Variants in PP2D1 observed in about 807,000 individuals in gnomAD.
PP2D1 encodes protein phosphatase 2C like domain containing 1.
A neutral mutation model predicts 30.2 loss-of-function variants in PP2D1; 25 were observed. The ratio of observed to expected loss-of-function variants is 0.83; its 90% CI spans 0.60 to 1.16. The LOEUF (loss-of-function observed/expected upper bound fraction) is 1.16, where lower values mean the gene tolerates loss of function less well. Ranked by LOEUF, PP2D1 falls within the 50% of genes most tolerant of loss-of-function variation. The probability of loss-of-function intolerance (pLI) is 0.00; values close to 1 mark genes in which losing one functional copy is unlikely to be tolerated. For missense variants in PP2D1, 760 were observed against 742.4 expected (o/e 1.02, Z -0.28); for synonymous variants, 260 against 258.9 (o/e 1.00, Z -0.04).
chr3:19,987,317 G>A (rs988828147), intron 2 of PP2D1, among the ~76,000 whole-genome samples: 1 of 152,056 alleles, frequency 6.6e-6, no homozygotes, highest in South Asian at 2.1e-4. Flanking sequence ...AGGAAAAATT[G>A]ATTTTCCCCA....
rs959775042 is a variant in PP2D1, at chr3:20,012,261, G to T, written c.-189C>A. On this transcript the variant is annotated 5_prime_UTR_variant, in exon 1 of 3. Coordinates refer to ENST00000389050, the MANE Select transcript of PP2D1 (RefSeq NM_001252657.2). ...ACTTGATGGTAGAGCTCCCTGTGTGGAATGTTCACTACATCACCTGGAACC... is the reference window on the plus strand; with the variant it reads ...ACTTGATGGTAGAGCTCCCTGTGTGTAATGTTCACTACATCACCTGGAACC... 8.2e-6 allele frequency: 5 copies of T among 607,682 alleles called. No homozygotes were observed. Among genetic ancestry groups the T allele is most frequent in the African/African-American group, 5.6e-5 (3 of 54,044 alleles). The allele number at this position is 607,682 out of a possible 1,614,324, so 37.6% of individuals were successfully genotyped here. A position where few individuals can be genotyped will look rare whatever the true frequency, so the allele number is the denominator to read the frequency against.
chr3:19,988,681 G>T (rs1697075453), intron 2 of PP2D1, among the ~76,000 whole-genome samples: 1 of 151,994 alleles, frequency 6.6e-6, no homozygotes, highest in African/African-American at 2.4e-5. Flanking sequence ...GGCTTGAGGG[G>T]GCATCACGGA....
chr3:19,984,044 A>G (rs75969150), downstream of PP2D1: 5,122 of 489,824 alleles, frequency 0.01, 200 homozygotes, highest in African/African-American at 0.09. Flanking sequence ...AATGAGAACT[A>G]TGTGGACACT....
intron 2 of PP2D1, among the ~76,000 whole-genome samples, chr3:19,993,041 A>C (rs1422158679): frequency 6.6e-6 from 1 of 152,134 alleles, no homozygotes; most frequent in Non-Finnish European, 1.5e-5. Flanking sequence ...CTCATCTCAA[A>C]AGAAAAAGAA....
intron 2 of PP2D1, among the ~76,000 whole-genome samples, chr3:19,988,748 C>CTG (rs1697076749): frequency 6.6e-6 from 1 of 152,248 alleles, no homozygotes; most frequent in Admixed American, 6.5e-5. Context: ...TCTGTCTTTA[C>CTG]TGTACTCTTT....
At chr3:19,983,675 A>C, downstream of PP2D1, 1 of 1,421,724 alleles carries the variant, frequency 7.0e-7, no homozygotes, top group Non-Finnish European at 9.8e-7. Context: ...ATGAGTATTC[A>C]AATATTCTAT....
chr3:20,007,008 T>TACAC (rs71751343), intron 1 of PP2D1, among the ~76,000 whole-genome samples: 339 of 144,754 alleles, frequency 2.3e-3, no homozygotes, highest in African/African-American at 6.5e-3. Flanking sequence ...CACACACGTA[T>TACAC]ACACACACAC....
intron 1 of PP2D1, among the ~76,000 whole-genome samples, chr3:20,004,295 G>A (rs761734624): frequency 3.3e-5 from 5 of 152,198 alleles, no homozygotes; most frequent in Non-Finnish European, 7.3e-5. Flanking sequence ...ATAGCATATA[G>A]CCCAGGTGTT....
downstream of PP2D1, chr3:19,983,583 T>G (rs1215340141): frequency 5.9e-6 from 4 of 679,372 alleles, no homozygotes; most frequent in East Asian, 1.1e-4. Context: ...TTGAAAAGAA[T>G]GAACATATGG....
chr3:20,006,037 G>A (rs1021309963), intron 1 of PP2D1, among the ~76,000 whole-genome samples: 1 of 152,160 alleles, frequency 6.6e-6, no homozygotes, highest in African/African-American at 2.4e-5. Context: ...TTGAGGTCAG[G>A]AGTTTGGGAC....
In PP2D1 at chr3:20,002,094, A is replaced by T. The variant is rs1697264404; in HGVS notation, c.26T>A (p.Val9Glu). 1.3e-6 allele frequency: 2 copies of T among 1,520,676 alleles called. No homozygotes were observed. Among genetic ancestry groups the T allele is most frequent in the Non-Finnish European group, 1.8e-6 (2 of 1,133,954 alleles). 94.2% of individuals were successfully genotyped at this position (1,520,676 alleles called of 1,614,324 possible). Residue 9 changes from valine (V) to glutamate (E), a missense_variant and splice_region_variant, in exon 2 of 3, where the codon GTG becomes GAG. By Grantham distance (121) the Val-to-Glu change is moderately radical. Around this residue, in one of 3 missense-constraint regions of PP2D1, gnomAD observed 374 missense variants for 388.8 expected, o/e 0.96. Transcript: ENST00000389050. The part of the protein sequence containing the change: MSTNNALR[V>E]FWKSREWNMK... ...ATTCCATTCTCTTGATTTCCAAAAC[A>T]CTCTGCAAACAGGATGAAAGATATT...
chr3:19,992,839 TGAGAA>T (rs1232522583), intron 2 of PP2D1, among the ~76,000 whole-genome samples: 1 of 152,130 alleles, frequency 6.6e-6, no homozygotes, highest in East Asian at 1.9e-4. Flanking sequence ...GTGGCAATCT[TGAGAA>T]GGGAAGGGGG....
chr3:19,988,078 T>C (rs1697064850), intron 2 of PP2D1, among the ~76,000 whole-genome samples: 1 of 152,138 alleles, frequency 6.6e-6, no homozygotes, highest in Non-Finnish European at 1.5e-5. Context: ...ACTGCACAAA[T>C]TGTTCATAAA....
intron 2 of PP2D1, among the ~76,000 whole-genome samples, chr3:19,987,573 T>C (rs956300159): frequency 1.3e-5 from 2 of 152,112 alleles, no homozygotes; most frequent in Non-Finnish European, 2.9e-5. Context: ...CAGGAGGAGT[T>C]CAATTCTAGG....
rs548989763 is a variant in PP2D1, at chr3:20,009,432, G to T, written c.23+2618C>A. 2.0e-5 allele frequency among the ~76,000 whole-genome samples: 3 copies of T among 152,226 alleles called. No homozygotes were observed. In the South Asian group the frequency reaches 6.2e-4, roughly 32 times the overall value. On this transcript the variant is annotated intron_variant, in intron 1 of 2. Transcript: ENST00000389050. The stretch of plus-strand genomic sequence containing the variant: ...GCTATGACAGTGCCACAATACTCTA[G>T]CCTGGGTGACAGACTGAGACCCTGT...
At chr3:20,007,400 A>G (rs1697332695) in intron 1 of PP2D1, among the ~76,000 whole-genome samples, 1 of 152,186 alleles carries the variant, frequency 6.6e-6, no homozygotes, top group Non-Finnish European at 1.5e-5. Context: ...TGAAAAATGT[A>G]GACTTAGGAT....
chr3:20,003,658 T>C (rs1697283522), intron 1 of PP2D1, among the ~76,000 whole-genome samples: 1 of 151,756 alleles, frequency 6.6e-6, no homozygotes, highest in African/African-American at 2.4e-5. Flanking sequence ...GCGGGAGAAT[T>C]GCTTGAACCC....
chr3:19,981,741 C>T (rs1056590814), downstream of PP2D1, among the ~76,000 whole-genome samples: 4 of 152,072 alleles, frequency 2.6e-5, no homozygotes, highest in Admixed American at 2.0e-4. Flanking sequence ...GGGAAGCACA[C>T]TCCAGAGAAC....
At chr3:19,991,367 T>C (rs1038479177) in intron 2 of PP2D1, among the ~76,000 whole-genome samples, 3 of 152,186 alleles carry the variant, frequency 2.0e-5, no homozygotes, top group Non-Finnish European at 4.4e-5. Context: ...GAGTAGGCAA[T>C]ATCAACATTT....
Sources: gnomAD v4.1 joint callset for allele counts (sites outside exome capture counted in the v4.1 genomes callset) on GRCh38, gnomAD v4.1.1 for gene constraint, gnomAD v4.1.1 regional missense constraint, MANE v1.5 for transcripts, NCBI Gene and HGNC (gene_info 2026-07-23, HGNC 2026-07-21) for gene names.